The following GLIS3 variants were observed in gnomAD, a reference collection of about 807,000 sequenced individuals.
GLIS3 encodes GLIS family zinc finger 3.
Under a neutral mutation model 78.6 loss-of-function variants are expected in GLIS3, and 53 were observed. The observed-to-expected ratio is 0.67, with a 90% CI of 0.54 to 0.85. The LOEUF is 0.85. Among genes scored for constraint, GLIS3 ranks in the 40% least tolerant of loss-of-function variants. GLIS3 has a pLI of 0.00. For missense variants in GLIS3, 1,703 were observed against 1,231.1 expected (o/e 1.38, Z -5.74); for synonymous variants, 684 against 509.9 (o/e 1.34, Z -4.60).
intron 2 of GLIS3, among the ~76,000 whole-genome samples, chr9:4,126,968 G>C (rs1048857965): frequency 1.2e-4 from 18 of 152,154 alleles, no homozygotes; most frequent in African/African-American, 4.3e-4. Context: ...TTTCTTAGCT[G>C]TAGGGGTCAT....
chr9:4,241,315 T>C (rs1372462645), intron 2 of GLIS3, among the ~76,000 whole-genome samples: 1 of 152,176 alleles, frequency 6.6e-6, no homozygotes, highest in Non-Finnish European at 1.5e-5. Context: ...ATTTTATGTT[T>C]TAAAATACAA....
intron 2 of GLIS3, among the ~76,000 whole-genome samples, chr9:4,270,937 A>G (rs1283721822): frequency 6.9e-6 from 1 of 144,232 alleles, no homozygotes; most frequent in East Asian, 2.0e-4. Context: ...GTGTGTGTAT[A>G]CACAACTGAC....
chr9:3,906,785 C>G (rs755209528), intron 6 of GLIS3, among the ~76,000 whole-genome samples: 5 of 152,170 alleles, frequency 3.3e-5, no homozygotes, highest in Admixed American at 1.3e-4. Flanking sequence ...GCTTAACACG[C>G]AAGTCTCAAA....
chr9:4,154,801 A>G (rs1834930815), intron 2 of GLIS3, among the ~76,000 whole-genome samples: 1 of 152,174 alleles, frequency 6.6e-6, no homozygotes, highest in African/African-American at 2.4e-5. Context: ...TGACCAAATA[A>G]TCTACCCTAT....
chr9:4,304,915 A>AACCCTATACAGCAGGGAG (rs1817190803), upstream of GLIS3, among the ~76,000 whole-genome samples: 1 of 152,028 alleles, frequency 6.6e-6, no homozygotes, highest in Admixed American at 6.5e-5. Context: ...ACAGCAGGGA[A>AACCCTATACAGCAGGGAG]GAGTGTAATT....
At chr9:4,093,245 T>C (rs1275593691) in intron 4 of GLIS3, among the ~76,000 whole-genome samples, 1 of 149,348 alleles carries the variant, frequency 6.7e-6, no homozygotes, top group Non-Finnish European at 1.5e-5. Flanking sequence ...TCTTAATCAC[T>C]ATGCTATGCT....
chr9:4,392,949 C>T, the GLIS3 span, among the ~76,000 whole-genome samples: 15 of 149,048 alleles, frequency 1.0e-4, no homozygotes, highest in Admixed American at 3.3e-4. Flanking sequence ...TTTTTTTTTT[C>T]CCCACATATT....
At chr9:3,855,622 G>A in intron 9 of GLIS3, 1 of 315,906 alleles carries the variant, frequency 3.2e-6, no homozygotes, top group Non-Finnish European at 6.1e-6. Flanking sequence ...AGGACGGAGA[G>A]GATGTGGACC....
chr9:4,319,950 G>C (rs1484866099), intron 2 of GLIS3, among the ~76,000 whole-genome samples: 3 of 151,826 alleles, frequency 2.0e-5, no homozygotes, highest in Admixed American at 6.6e-5. Context: ...TCGGCCTATA[G>C]AATTGGTCCT....
chr9:4,321,791 C>T (rs1224901745), intron 2 of GLIS3, among the ~76,000 whole-genome samples: 1 of 152,098 alleles, frequency 6.6e-6, no homozygotes, highest in Non-Finnish European at 1.5e-5. Flanking sequence ...TTACCACAGC[C>T]TCCACCTCCC....
chr9:4,335,651 A>G (rs77027750), intron 2 of GLIS3, among the ~76,000 whole-genome samples: 5,853 of 152,198 alleles, frequency 0.038, 289 homozygotes, highest in East Asian at 0.23. Context: ...GGGGTTAAAC[A>G]AGGGCACTTT....
In GLIS3 at chr9:3,829,375, G is replaced by C; in HGVS notation, c.2591C>G (p.Thr864Arg). 6.2e-7 allele frequency: 1 copy of C among 1,613,994 alleles called. No homozygotes were observed. Among genetic ancestry groups the C allele is most frequent in the Non-Finnish European group, 8.5e-7 (1 of 1,179,870 alleles). ...VPSFEDCLVP[T>R]SMGQASFDVF... ...ATCAAAACTGGCCTGGCCCATGGATGTAGGGACTAGGCAGTCCTCAAACGA... is the reference window on the plus strand; with the variant it reads ...ATCAAAACTGGCCTGGCCCATGGATCTAGGGACTAGGCAGTCCTCAAACGA... Residue 864 changes from threonine (T) to arginine (R), a missense_variant, in exon 10 of 11, where the codon ACA becomes AGA. Transcript: ENST00000381971.
At chr9:3,880,983 A>G (rs41278341) in intron 7 of GLIS3, among the ~76,000 whole-genome samples, 4,681 of 152,200 alleles carry the variant, frequency 0.031, 105 homozygotes, top group Middle Eastern at 0.058. Context: ...TCAGAAAGGC[A>G]AGGCTGAGCT....
intron 4 of GLIS3, among the ~76,000 whole-genome samples, chr9:4,017,200 C>T (rs899461677): frequency 4.6e-5 from 7 of 152,104 alleles, no homozygotes; most frequent in Non-Finnish European, 7.4e-5. Flanking sequence ...TGACTCTGTA[C>T]GTTGGCTAGG....
At chr9:4,365,408 T>C in the GLIS3 span, among the ~76,000 whole-genome samples, 6 of 151,894 alleles carry the variant, frequency 4.0e-5, no homozygotes, top group African/African-American at 7.3e-5. Context: ...GTATAAAAAA[T>C]TAGCCTGGCA....
chr9:3,880,171 G>A (rs139000783), intron 7 of GLIS3, among the ~76,000 whole-genome samples: 33 of 152,228 alleles, frequency 2.2e-4, no homozygotes, highest in Non-Finnish European at 4.0e-4. Flanking sequence ...TTTTCCTGAT[G>A]GTGTGATGAA....
At chr9:4,326,177 C>T (rs1446653702) in intron 2 of GLIS3, among the ~76,000 whole-genome samples, 1 of 152,082 alleles carries the variant, frequency 6.6e-6, no homozygotes, top group East Asian at 1.9e-4. Context: ...AACAAACCTG[C>T]ACATCCTGCA....
At chr9:4,123,109 G>GA (rs1196446911) in intron 3 of GLIS3, among the ~76,000 whole-genome samples, 1 of 151,828 alleles carries the variant, frequency 6.6e-6, no homozygotes, top group Non-Finnish European at 1.5e-5. Context: ...GAGGTCAAAA[G>GA]AAAAAATACA....
chr9:4,080,655 AC>A (rs1043222259), intron 4 of GLIS3, among the ~76,000 whole-genome samples: 1 of 152,130 alleles, frequency 6.6e-6, no homozygotes, highest in Non-Finnish European at 1.5e-5. Flanking sequence ...AGCTTTTGGC[AC>A]CCCCTTAGAT....
Sources: allele counts gnomAD v4.1 joint callset (sites outside exome capture counted in the v4.1 genomes callset), GRCh38; gene constraint gnomAD v4.1.1; transcripts MANE v1.5; gene names NCBI Gene and HGNC (gene_info 2026-07-23, HGNC 2026-07-21).